ZFHX3: variants seen among roughly 807,000 people sequenced by gnomAD.
ZFHX3 encodes the protein zinc finger homeobox 3.
A neutral mutation model predicts 279.1 loss-of-function variants in ZFHX3; 42 were observed. That is an observed-to-expected ratio of 0.15 (90% CI 0.12 to 0.19). ZFHX3 has a LOEUF of 0.19. Ranked by LOEUF, ZFHX3 falls within the 10% of genes least tolerant of loss-of-function variation. The pLI is 1.00. For synonymous variants in ZFHX3, 2,293 were observed against 1,957.8 expected, an observed-to-expected ratio of 1.17 and a Z score of -4.52; for missense variants, 4,981 against 4,754.0, an observed-to-expected ratio of 1.05 and a Z score of -1.40.
At chr16:73,197,152 C>A (rs929545946) in intron 5 of ZFHX3, among the ~76,000 whole-genome samples, 3 of 152,226 alleles carry the variant, frequency 2.0e-5, no homozygotes, top group Non-Finnish European at 2.9e-5. Context: ...CTAACCCCTG[C>A]TGAATAGAAC....
At chr16:73,301,774 G>C (rs199712118) in intron 4 of ZFHX3, among the ~76,000 whole-genome samples, 1 of 92,696 alleles carries the variant, frequency 1.1e-5, no homozygotes, top group Non-Finnish European at 2.1e-5. Flanking sequence ...TTTTTTTTTT[G>C]TGACAAGCAC....
intron 2 of ZFHX3, among the ~76,000 whole-genome samples, chr16:73,465,587 AGCTGCCCTGCCCAGTCCT>A (rs1487125505): frequency 1.3e-5 from 2 of 152,148 alleles, no homozygotes; most frequent in Non-Finnish European, 2.9e-5. Flanking sequence ...TCTGCAGGTA[AGCTGCCCTGCCCAGTCCT>A]GCTGCCCTGC....
Position 72,959,444 on chromosome 16 carries a change from A to G in ZFHX3, c.702T>C (p.Phe234=). 6.2e-7 allele frequency: 1 copy of G among 1,614,242 alleles called. No individual in the cohort carries two copies. ...LSPVLHSFRV[F]DVRHKSNKDY... ...CCTTGTTGCTTTTGTGTCGCACGTC[A>G]AACACGCGGAAGCTGTGCAGGACGG... Residue 234 remains phenylalanine, a synonymous_variant, in exon 2 of 10, where the codon TTT becomes TTC. Coordinates refer to ENST00000268489, the MANE Select transcript of ZFHX3 (RefSeq NM_006885.4).
At chr16:73,879,721 C>T (rs373297889) in intron 1 of ZFHX3, among the ~76,000 whole-genome samples, 83 of 152,154 alleles carry the variant, frequency 5.5e-4, no homozygotes, top group African/African-American at 2.0e-3. Flanking sequence ...AAGTAAACAG[C>T]GGGGATTCTC....
chr16:73,469,522 C>CACTACCTAAAAAATCCCAAACATATA (rs1429090739), intron 2 of ZFHX3, among the ~76,000 whole-genome samples: 47 of 152,286 alleles, frequency 3.1e-4, no homozygotes, highest in African/African-American at 1.0e-3. Flanking sequence ...AACCTGGTGT[C>CACTACCTAAAAAATCCCAAACATATA]ACTGTCTTCT....
At chr16:73,685,944 T>C (rs1399634833) in intron 1 of ZFHX3, among the ~76,000 whole-genome samples, 1 of 152,224 alleles carries the variant, frequency 6.6e-6, no homozygotes, top group African/African-American at 2.4e-5. Context: ...GATGTTATTC[T>C]GTTTCAGGAG....
At position 73,799,303 on chromosome 16, in the gene ZFHX3, C is replaced by T. The variant is rs367553633; in HGVS notation, c.-1608+92348G>A. Among the ~76,000 whole-genome samples, 21 of 152,282 alleles carry T rather than the reference C, an allele frequency of 1.4e-4. No homozygotes were observed. In the South Asian group the frequency reaches 4.1e-3, roughly 30 times the overall value. ...AAGTGTTTCTGAACATGGGAAGATG[C>T]TATATGAGTGTAAATGATGTGTATC... On this transcript the variant is annotated intron_variant, in intron 1 of 17. Coordinates refer to the ZFHX3 transcript ENST00000641206.
intron 2 of ZFHX3, among the ~76,000 whole-genome samples, chr16:73,583,839 G>A (rs754140536): frequency 1.3e-5 from 2 of 151,878 alleles, no homozygotes; most frequent in Non-Finnish European, 2.9e-5. Context: ...TAGTAAAATT[G>A]GACAGATTCT....
intron 2 of ZFHX3, among the ~76,000 whole-genome samples, chr16:73,484,569 CG>C (rs1298438585): frequency 6.6e-6 from 1 of 152,130 alleles, no homozygotes; most frequent in African/African-American, 2.4e-5. Flanking sequence ...ATGGTCCGTT[CG>C]GGGCCAAGTT....
intron 1 of ZFHX3, among the ~76,000 whole-genome samples, chr16:73,028,880 G>A (rs1567640641): frequency 1.3e-5 from 2 of 152,218 alleles, no homozygotes; most frequent in Non-Finnish European, 2.9e-5. Context: ...AACAACAACA[G>A]AAGTCTTGTT....
At chr16:73,649,602 A>G (rs796650348) in intron 2 of ZFHX3, among the ~76,000 whole-genome samples, 24 of 152,330 alleles carry the variant, frequency 1.6e-4, no homozygotes, top group African/African-American at 5.8e-4. Flanking sequence ...AAATTTTAAT[A>G]AACTCGTTTT....
chr16:72,921,620 G>A (rs2039586691), intron 3 of ZFHX3, among the ~76,000 whole-genome samples: 1 of 152,338 alleles, frequency 6.6e-6, no homozygotes, highest in South Asian at 2.1e-4. Context: ...GAGACAGTTG[G>A]CGTGGCCTCG....
chr16:73,093,673 C>T (rs1371855419), intron 7 of ZFHX3: 1 of 414,228 alleles, frequency 2.4e-6, no homozygotes, highest in Non-Finnish European at 4.9e-6. Context: ...CATTACAGCG[C>T]TGATTAAATA....
chr16:72,968,043 G>C (rs1352184307), intron 1 of ZFHX3, among the ~76,000 whole-genome samples: 1 of 150,686 alleles, frequency 6.6e-6, no homozygotes, highest in Non-Finnish European at 1.5e-5. Context: ...TAACTTCACT[G>C]TGGAGAACCT....
rs947432165 is a variant in ZFHX3, at chr16:72,785,548, C to T, written c.*1616G>A. The T allele has an allele frequency of 2.0e-5, 3 of 152,516 alleles. No individual in the cohort carries two copies. Among genetic ancestry groups the T allele is most frequent in the African/African-American group, 7.2e-5 (3 of 41,412 alleles). 9.4% of individuals were successfully genotyped at this position (152,516 alleles called of 1,614,324 possible). On this transcript the variant is annotated 3_prime_UTR_variant, in exon 10 of 10. Coordinates refer to ENST00000268489, the MANE Select transcript of ZFHX3 (RefSeq NM_006885.4). ...AAGTCTTGTTTGTTTAAATCAGAAA[C>T]AAATTCTCAAGTAACAAGAACCCTT...
intron 5 of ZFHX3, among the ~76,000 whole-genome samples, chr16:73,248,500 ATG>A: frequency 6.6e-6 from 1 of 150,550 alleles, no homozygotes; most frequent in Non-Finnish European, 1.5e-5. Flanking sequence ...CTATGTGTCT[ATG>A]TGTGTGTGTA....
intron 2 of ZFHX3, among the ~76,000 whole-genome samples, chr16:73,601,613 T>C (rs941005134): frequency 6.6e-6 from 1 of 152,206 alleles, no homozygotes; most frequent in African/African-American, 2.4e-5. Context: ...TCCAACAGAA[T>C]GGGCATTTAA....
At chr16:73,862,415 ACTT>A (rs1961905943) in intron 1 of ZFHX3, among the ~76,000 whole-genome samples, 2 of 152,320 alleles carry the variant, frequency 1.3e-5, no homozygotes, top group Non-Finnish European at 1.5e-5. Flanking sequence ...ATGTATGTTA[ACTT>A]CTTCTCTGTC....
intron 4 of ZFHX3, among the ~76,000 whole-genome samples, chr16:72,844,271 C>T (rs1172042343): frequency 6.6e-6 from 1 of 152,198 alleles, no homozygotes; most frequent in African/African-American, 2.4e-5. Context: ...AAGAATTCAG[C>T]TTCCTGTAGT....
Sources: allele counts gnomAD v4.1 joint callset (sites outside exome capture counted in the v4.1 genomes callset), GRCh38; gene constraint gnomAD v4.1.1; transcripts MANE v1.5; gene names NCBI Gene and HGNC (gene_info 2026-07-23, HGNC 2026-07-21).